The following ACTN3 variants were observed in gnomAD, a reference collection of about 807,000 sequenced individuals.
ACTN3 encodes the protein actinin alpha 3.
ACTN3 carries 91 observed loss-of-function variants against 119.6 expected under a neutral mutation model. The observed-to-expected ratio is 0.76, with a 90% CI of 0.64 to 0.91. The LOEUF (loss-of-function observed/expected upper bound fraction) is 0.91, where lower values mean the gene tolerates loss of function less well. Ranked by LOEUF, ACTN3 falls within the 40% of genes least tolerant of loss-of-function variation. The probability of loss-of-function intolerance (pLI) is 0.00; values close to 1 mark genes in which losing one functional copy is unlikely to be tolerated. For missense variants in ACTN3, 1,221 were observed against 1,215.1 expected (o/e 1.00, Z -0.07); for synonymous variants, 456 against 478.8 (o/e 0.95, Z 0.62).
Position 66,563,072 on chromosome 11 carries a change from C to A in ACTN3, c.2585C>A (p.Pro862His). 6.2e-7 allele frequency: 1 copy of A among 1,612,962 alleles called. No individual in the cohort carries two copies. Among genetic ancestry groups the A allele is most frequent in the Non-Finnish European group, 8.5e-7 (1 of 1,179,532 alleles). ...ITPEELRREL[P>H]AKQAEYCIRR... ...CCCGAGGAGCTGCGGCGCGAGCTCC[C>A]TGCCAAGCAGGCCGAGTACTGCATC... is the stretch of plus-strand genomic sequence containing the variant. Residue 862 changes from proline to histidine, a missense_variant, in exon 21 of 21, where the codon CCT (proline) becomes CAT (histidine). Transcript: ENST00000513398.
rs202165715 is a variant in ACTN3, at chr11:66,551,312, G to A, written c.221G>A (p.Arg74His). ...TQIENIEEDF[R>H]NGLKLMLLLE... ...ATCGAGAACATCGAGGAAGATTTCC[G>A]CAATGGCCTCAAACTCATGCTGCTC... Residue 74 changes from arginine to histidine, a missense_variant, in exon 2 of 21, where the codon CGC (arginine) becomes CAC (histidine). Physicochemically the swap from Arg to His is conservative, Grantham distance 29. Around this residue, in one of 3 missense-constraint regions of ACTN3, gnomAD observed 239 missense variants for 231.8 expected, o/e 1.03. Transcript: ENST00000513398. The A allele has an allele frequency of 4.8e-4, 780 of 1,611,408 alleles. No homozygotes were observed. The highest frequency in any genetic ancestry group is 6.2e-4 in the Non-Finnish European group (727 of 1,178,852).
chr11:66,558,615 A>AGTGAT (rs1857659035), intron 11 of ACTN3, among the ~76,000 whole-genome samples: 1 of 151,866 alleles, frequency 6.6e-6, no homozygotes, highest in South Asian at 2.1e-4. Context: ...TGATCCACCC[A>AGTGAT]CCTCAGCCTC....
In ACTN3 at chr11:66,557,740, C is replaced by T; in HGVS notation, c.939C>T (p.Asn313=). Residue 313 remains asparagine (N), a synonymous_variant, in exon 10 of 21, where the codon AAC becomes AAT. Transcript: ENST00000513398. Reference sequence around the variant, plus strand: ...GCCGCACTGTCCCATGGCTGGAGAACCGTGTGGGTGAGCCCAGCATGAGTG... The same window carrying T: ...GCCGCACTGTCCCATGGCTGGAGAATCGTGTGGGTGAGCCCAGCATGAGTG... ...WIRRTVPWLE[N]RVGEPSMSAM... The T allele has an allele frequency of 6.2e-7, 1 of 1,613,412 alleles. No individual in the cohort carries two copies.
chr11:66,560,847 C>A, intron 15 of ACTN3, 92 bp downstream of exon 15: 1 of 1,385,016 alleles, frequency 7.2e-7, no homozygotes, highest in South Asian at 1.3e-5. Context: ...AGAATAAAGT[C>A]CATCTTCAGA....
At position 66,563,062 on chromosome 11, in the gene ACTN3, C is replaced by T. The variant is rs71457732; in HGVS notation, c.2575C>T (p.Arg859Cys). Reference sequence around the variant, plus strand: ...CTACATCACCCCCGAGGAGCTGCGGCGCGAGCTCCCTGCCAAGCAGGCCGA... The same window carrying T: ...CTACATCACCCCCGAGGAGCTGCGGTGCGAGCTCCCTGCCAAGCAGGCCGA... ...KNYITPEELR[R>C]ELPAKQAEYC... Residue 859 changes from arginine to cysteine, a missense_variant, in exon 21 of 21, where the codon CGC (arginine) becomes TGC (cysteine). Arg to Cys is a radical substitution (Grantham distance 180). This residue lies in a region of ACTN3 where 934 missense variants were observed against 899.9 expected (regional missense o/e 1.04). Coordinates refer to ENST00000513398, the MANE Select transcript of ACTN3 (RefSeq NM_001104.4). 13,373 of 1,612,412 alleles carry T rather than the reference C, an allele frequency of 8.3e-3. 106 individuals carry two copies. Among genetic ancestry groups the T allele is most frequent in the Middle Eastern group, 0.045 (272 of 6,056 alleles).
Position 66,554,554 on chromosome 11 carries a change from GC to G in ACTN3, c.489del (p.Leu164CysfsTer56). 1 of 1,611,052 alleles carries G rather than the reference GC, an allele frequency of 6.2e-7. No individual in the cohort carries two copies. On this transcript the variant is annotated frameshift_variant, in exon 5 of 21. Coordinates refer to ENST00000513398, the MANE Select transcript of ACTN3 (RefSeq NM_001104.4). LOFTEE classifies it high-confidence loss of function. ...ISVEETSAKEGLLLWCQRKTA... is the reference protein window; with the variant it reads ...ISVEETSAKEXLLLWCQRKTA... ...GACCCAGAAACCTCAGCCAAGGAAG[GC>G]TTGCTTCTGTGGTGCCAGAGGAAGA...
At position 66,555,317 on chromosome 11, in the gene ACTN3, T is replaced by C; in HGVS notation, c.668T>C (p.Phe223Ser). Residue 223 changes from phenylalanine to serine, a missense_variant, in exon 7 of 21, where the codon TTT becomes TCT. Phe to Ser is a radical substitution (Grantham distance 155). Coordinates refer to ENST00000513398, the MANE Select transcript of ACTN3 (RefSeq NM_001104.4). ...DDPIGNLNTA[F>S]EVAEKYLDIP... ...CCCATCGGAAACCTGAACACTGCCT[T>C]TGAGGTGGCAGAGAAATACCTGGAC... 1.3e-5 allele frequency: 21 copies of C among 1,614,102 alleles called. No individual in the cohort carries two copies. The highest frequency in any genetic ancestry group is 1.7e-5 in the Non-Finnish European group (20 of 1,179,980).
chr11:66,561,864 G>C, intron 17 of ACTN3, 158 bp from the exon 18 acceptor site: 1 of 482,308 alleles, frequency 2.1e-6, no homozygotes, highest in Non-Finnish European at 2.7e-6. Context: ...AGGACTGCTG[G>C]GGTGGGGGTG....
chr11:66,559,360 C>T lies in ACTN3; in HGVS notation c.1401C>T (p.His467=). ...CGGCGCACCAGGACCGCGTGGAGCA[C>T]ATTGCCGCGCTGGCCCAGGAGCTCA... ...DLAAHQDRVE[H]IAALAQELNE... The change falls in exon 12 of 21, where the codon CAC becomes CAT. Residue 467 remains histidine (H), a synonymous_variant. Transcript: ENST00000513398. 1 of 1,558,698 alleles carries T rather than the reference C, an allele frequency of 6.4e-7. No individual in the cohort carries two copies. Among genetic ancestry groups the T allele is most frequent in the Non-Finnish European group, 8.6e-7 (1 of 1,157,680 alleles).
chr11:66,551,760 C>A (rs748243110), intron 3 of ACTN3, 113 bp downstream of exon 3: 1 of 1,460,786 alleles, frequency 6.8e-7, no homozygotes, highest in Non-Finnish European at 9.2e-7. Flanking sequence ...ATAATCCCTG[C>A]CTCGCAAGAG....
chr11:66,558,415 T>C (rs1857652785), intron 11 of ACTN3, among the ~76,000 whole-genome samples: 1 of 152,194 alleles, frequency 6.6e-6, no homozygotes, highest in African/African-American at 2.4e-5. Flanking sequence ...TCTTGCTCTA[T>C]TGCCCAGGCT....
intron 1 of ACTN3, among the ~76,000 whole-genome samples, chr11:66,547,788 G>T (rs1857391238): frequency 6.6e-6 from 1 of 152,148 alleles, no homozygotes; most frequent in South Asian, 2.1e-4. Flanking sequence ...TGACTCTCCA[G>T]CCAGATGGAC....
At chr11:66,560,117 G>GGGGC in intron 13 of ACTN3, 41 bp downstream of exon 13, 1 of 1,524,930 alleles carries the variant, frequency 6.6e-7, no homozygotes, top group Non-Finnish European at 8.9e-7. Flanking sequence ...GGGTAGGTGG[G>GGGGC]TGAGGCCAGG....
In ACTN3 at chr11:66,552,259, A is replaced by G. The variant is rs558727863; in HGVS notation, c.382+612A>G. Among the ~76,000 whole-genome samples the G allele has an allele frequency of 1.3e-3, 200 of 151,740 alleles. 1 individual carries two copies. In the Middle Eastern group the frequency reaches 0.037, roughly 28 times the overall value. On this transcript the variant is annotated intron_variant, in intron 3 of 20. Transcript: ENST00000513398. ...GCGGCGCGTGGCTGTAATCCCAACT[A>G]CTTAGGAGGCTAAGGCAAGAGAATC... is the stretch of plus-strand genomic sequence containing the variant.
At chr11:66,557,447 C>T (rs756121053) in intron 9 of ACTN3, among the ~76,000 whole-genome samples, 4 of 152,244 alleles carry the variant, frequency 2.6e-5, no homozygotes, top group African/African-American at 4.8e-5. Context: ...ACTTCTGCAT[C>T]GATCCATTCA....
At position 66,551,510 on chromosome 11, in the gene ACTN3, C is replaced by T; in HGVS notation, c.263-18C>T. The T allele has an allele frequency of 6.2e-7, 1 of 1,611,988 alleles. No individual in the cohort carries two copies. The highest frequency in any genetic ancestry group is 8.5e-7 in the Non-Finnish European group (1 of 1,179,058). The stretch of plus-strand genomic sequence containing the variant: ...CCTCTCATGACCTTTGGCCCTTGGC[C>T]TCTCCTCTTAAACCCAGGTGAGAGG... On this transcript the variant is annotated intron_variant, in intron 2 of 20. Transcript: ENST00000513398.
intron 19 of ACTN3, 23 bp downstream of exon 19, chr11:66,562,345 C>T (rs1292446012): frequency 1.2e-6 from 2 of 1,611,048 alleles, no homozygotes; most frequent in African/African-American, 2.7e-5. Flanking sequence ...CAGCTCCTTC[C>T]CAGGAGTCCC....
At chr11:66,556,098 A>C in intron 7 of ACTN3, 47 bp from the exon 8 acceptor site, 7 of 1,539,552 alleles carry the variant, frequency 4.5e-6, no homozygotes, top group Non-Finnish European at 5.3e-6. Context: ...CTGCCTGGGG[A>C]GGGACCCCTG....
In ACTN3 at chr11:66,561,580, C is replaced by A. The variant is rs779124245; in HGVS notation, c.2118C>A (p.His706Gln). The change falls in exon 17 of 21, where the codon CAC becomes CAA. Residue 706 changes from histidine to glutamine, a missense_variant. This residue lies in a region of ACTN3 where 934 missense variants were observed against 899.9 expected (regional missense o/e 1.04). Transcript: ENST00000513398. The stretch of plus-strand genomic sequence containing the variant: ...ACATTGACCGGCTGGAGGGTGACCA[C>A]CAGCTGCTGCAGGAGAGCCTGGTGT... ...KTNIDRLEGD[H>Q]QLLQESLVFD... 1.9e-6 allele frequency: 3 copies of A among 1,612,902 alleles called. No homozygotes were observed. The highest frequency in any genetic ancestry group is 2.2e-5 in the South Asian group (2 of 90,870).
Sources: allele counts gnomAD v4.1 joint callset (sites outside exome capture counted in the v4.1 genomes callset), GRCh38; gene constraint gnomAD v4.1.1; regional missense constraint gnomAD v4.1.1; transcripts MANE v1.5; gene names NCBI Gene and HGNC (gene_info 2026-07-23, HGNC 2026-07-21).